Variants in PCDH11Y observed in about 807,000 individuals in gnomAD.
The protein encoded by PCDH11Y is protocadherin 11 Y-linked.
For missense variants in PCDH11Y, 12 were observed against 224.8 expected, an observed-to-expected ratio of 0.05 and a Z score of 6.05; for synonymous variants, 9 against 83.6, an observed-to-expected ratio of 0.11 and a Z score of 4.87.
intron 2 of PCDH11Y, among the ~76,000 whole-genome samples, chrY:5,412,153 C>T: frequency 6.9e-5 from 2 of 28,940 alleles, no homozygotes; most frequent in Non-Finnish European, 1.7e-4. Context: ...TTCACCTTCC[C>T]GGTTAGATGT....
At chrY:5,011,375 T>G (rs2052549754) in intron 1 of PCDH11Y, among the ~76,000 whole-genome samples, 1 of 34,105 alleles carries the variant, frequency 2.9e-5, no homozygotes, top group Admixed American at 2.6e-4. Context: ...CCAAAAGCTG[T>G]GAGAAGTCTT....
chrY:5,188,639 TG>T (rs2052908953), intron 2 of PCDH11Y, among the ~76,000 whole-genome samples: 1 of 33,245 alleles, frequency 3.0e-5, no homozygotes, highest in Non-Finnish European at 7.4e-5. Flanking sequence ...TACCTCCCAC[TG>T]GGTCCCTCCC....
At chrY:5,027,414 A>G (rs2052580590) in intron 1 of PCDH11Y, among the ~76,000 whole-genome samples, 2 of 25,633 alleles carry the variant, frequency 7.8e-5, no homozygotes, top group African/African-American at 3.2e-4. Flanking sequence ...TTCTTAAATA[A>G]TCTAGTATAT....
chrY:5,005,824 C>A, intron 1 of PCDH11Y, among the ~76,000 whole-genome samples: 1 of 32,555 alleles, frequency 3.1e-5, no homozygotes, highest in Non-Finnish European at 7.5e-5. Flanking sequence ...TCCTCCTCCC[C>A]CTTAGCCACC....
intron 2 of PCDH11Y, among the ~76,000 whole-genome samples, chrY:5,196,015 A>G (rs2124649032): frequency 9.6e-5 from 3 of 31,351 alleles, no homozygotes; most frequent in East Asian, 8.4e-4. Flanking sequence ...TCTGGAAGAT[A>G]AATTGTTCAC....
intron 1 of PCDH11Y, among the ~76,000 whole-genome samples, chrY:5,096,682 G>A: frequency 2.2e-4 from 5 of 22,443 alleles, no homozygotes; most frequent in Non-Finnish European, 3.9e-4. Flanking sequence ...GTAGTACAGG[G>A]AGGGGATTTT....
intron 1 of PCDH11Y, among the ~76,000 whole-genome samples, chrY:5,019,571 CAAAAAAAAAAAA>C (rs754467399): frequency 1.8e-3 from 2 of 1,083 alleles, no homozygotes; most frequent in South Asian, 0.026. Flanking sequence ...GACTCCGTCT[CAAAAAAAAAAAA>C]AAAAAAAAAA....
chrY:5,695,243 G>C, intron 4 of PCDH11Y, among the ~76,000 whole-genome samples: 1 of 31,277 alleles, frequency 3.2e-5, no homozygotes, highest in Non-Finnish European at 7.8e-5. Context: ...TTTTTGTCTT[G>C]ATACCTATCT....
At chrY:5,396,127 A>G (rs2053226866) in intron 2 of PCDH11Y, among the ~76,000 whole-genome samples, 1 of 33,758 alleles carries the variant, frequency 3.0e-5, no homozygotes, top group Non-Finnish European at 7.3e-5. Context: ...TAATTTTTGT[A>G]TTTTTAGCAG....
chrY:5,219,247 A>T, intron 2 of PCDH11Y, among the ~76,000 whole-genome samples: 1 of 33,165 alleles, frequency 3.0e-5, no homozygotes, highest in African/African-American at 1.2e-4. Flanking sequence ...GGATGGCTGA[A>T]TCACATTGTA....
At chrY:5,222,319 T>A in intron 2 of PCDH11Y, among the ~76,000 whole-genome samples, 1 of 32,974 alleles carries the variant, frequency 3.0e-5, no homozygotes, top group Non-Finnish European at 7.5e-5. Context: ...TTCTCTCCTC[T>A]CTTCAGTTTT....
At chrY:5,321,964 A>G (rs2053113230) in intron 2 of PCDH11Y, among the ~76,000 whole-genome samples, 1 of 26,687 alleles carries the variant, frequency 3.7e-5, no homozygotes, top group Non-Finnish European at 9.0e-5. Flanking sequence ...CTTGTCTCAG[A>G]AAAAAAAAAA....
chrY:5,467,066 C>T (rs2053309066), intron 2 of PCDH11Y, among the ~76,000 whole-genome samples: 38 of 32,631 alleles, frequency 1.2e-3, no homozygotes, highest in African/African-American at 4.0e-3. Flanking sequence ...ACAAATAAAA[C>T]ATACATTTAT....
At chrY:5,234,124 G>A in intron 2 of PCDH11Y, among the ~76,000 whole-genome samples, 1 of 30,809 alleles carries the variant, frequency 3.2e-5, no homozygotes, top group African/African-American at 1.3e-4. Context: ...AATTTTTCAG[G>A]AAAGAATTGC....
chrY:5,421,053 C>CACACAT (rs2053257718), intron 2 of PCDH11Y, among the ~76,000 whole-genome samples: 1 of 26,183 alleles, frequency 3.8e-5, no homozygotes. Flanking sequence ...TAAAAATACA[C>CACACAT]ACACACACAC....
chrY:5,655,147 A>C, intron 4 of PCDH11Y, among the ~76,000 whole-genome samples: 4 of 29,584 alleles, frequency 1.4e-4, no homozygotes, highest in Admixed American at 6.3e-4. Flanking sequence ...TGAATAAAAT[A>C]CATTTCAGAG....
intron 2 of PCDH11Y, among the ~76,000 whole-genome samples, chrY:5,402,298 C>A: frequency 3.0e-5 from 1 of 33,226 alleles, no homozygotes; most frequent in Non-Finnish European, 7.4e-5. Context: ...GAAGCATAAG[C>A]CTGTATAGCC....
In PCDH11Y at chrY:5,207,613, C is replaced by T; in HGVS notation, c.3129+106906C>T. 8.0e-6 allele frequency: 3 copies of T among 374,458 alleles called. No homozygotes were observed. The African/African-American group carries it at 1.9e-4, about 24-fold the overall frequency. 93.4% of individuals were successfully genotyped at this position (374,458 alleles called of 400,897 possible). A position where few individuals can be genotyped will look rare whatever the true frequency, so the allele number is the denominator to read the frequency against. On this transcript the variant is annotated intron_variant, in intron 2 of 4. Coordinates refer to the PCDH11Y transcript ENST00000400457. The stretch of plus-strand genomic sequence containing the variant: ...TGCAGTCTCAAAATTCATCTGGTAG[C>T]CGGCCAGCCAGCCCTTGTAACCCAG...
At position 5,385,615 on chromosome Y, in the gene PCDH11Y, G is replaced by C. The variant is rs1602916811; in HGVS notation, c.3130-115442G>C. 6.3e-4 allele frequency among the ~76,000 whole-genome samples: 21 copies of C among 33,409 alleles called. No individual in the cohort carries two copies. The South Asian group carries it at 0.014, about 22-fold the overall frequency. The allele number at this position is 33,409 out of a possible 37,273, so 89.6% of individuals were successfully genotyped here. ...TGCTGCTATAAACATGCATGTGCAG[G>C]TATTTTCACCAGCAGTATAGAAGTG... On this transcript the variant is annotated intron_variant, in intron 2 of 4. Transcript: ENST00000400457.
Sources: allele counts gnomAD v4.1 joint callset (sites outside exome capture counted in the v4.1 genomes callset), GRCh38; gene constraint gnomAD v4.1.1; transcripts MANE v1.5; gene names NCBI Gene and HGNC (gene_info 2026-07-23, HGNC 2026-07-21).